Variants in ERBB4 observed in about 807,000 individuals in gnomAD.
The protein encoded by ERBB4 is erb-b2 receptor tyrosine kinase 4, also known as receptor tyrosine-protein kinase erbB-4.
ERBB4 carries 42 observed loss-of-function variants against 158.0 expected under a neutral mutation model. The ratio of observed to expected loss-of-function variants is 0.27; its 90% CI spans 0.21 to 0.34. The LOEUF is 0.34. ERBB4 is among the 10% of genes least tolerant of loss of function. The pLI is 1.00. For synonymous variants in ERBB4, 583 were observed against 558.7 expected (o/e 1.04, Z -0.61); for missense variants, 1,333 against 1,624.1 (o/e 0.82, Z 3.08).
chr2:212,509,012 C>A (rs1691353795), intron 1 of ERBB4, among the ~76,000 whole-genome samples: 1 of 151,988 alleles, frequency 6.6e-6, no homozygotes, highest in African/African-American at 2.4e-5. Flanking sequence ...AAGACTTATA[C>A]CATTTCTTCT....
At chr2:212,400,061 T>C (rs1405417260) in intron 1 of ERBB4, among the ~76,000 whole-genome samples, 3 of 151,974 alleles carry the variant, frequency 2.0e-5, no homozygotes, top group Non-Finnish European at 4.4e-5. Flanking sequence ...TGAGAAAACC[T>C]GGAAAAAGCG....
intron 4 of ERBB4, among the ~76,000 whole-genome samples, chr2:211,773,374 A>G: frequency 6.6e-6 from 1 of 151,564 alleles, no homozygotes; most frequent in East Asian, 2.0e-4. Context: ...CTTTTTATGT[A>G]CTTATTACAT....
At chr2:211,865,430 T>A (rs1421520723) in intron 3 of ERBB4, among the ~76,000 whole-genome samples, 1 of 152,192 alleles carries the variant, frequency 6.6e-6, no homozygotes, top group Non-Finnish European at 1.5e-5. Flanking sequence ...AAAATAGTCA[T>A]GTGATATTCT....
intron 5 of ERBB4, among the ~76,000 whole-genome samples, chr2:211,743,997 T>A (rs2074880607): frequency 6.6e-6 from 1 of 152,190 alleles, no homozygotes; most frequent in Admixed American, 6.5e-5. Flanking sequence ...ATCAGACTCA[T>A]GAGTAACACA....
At chr2:212,264,301 C>T (rs532400274) in intron 1 of ERBB4, among the ~76,000 whole-genome samples, 6 of 152,216 alleles carry the variant, frequency 3.9e-5, no homozygotes, top group African/African-American at 1.4e-4. Context: ...TCATATTTAA[C>T]CGTGCTGGTG....
At chr2:211,863,943 C>T (rs1274773310) in intron 3 of ERBB4, among the ~76,000 whole-genome samples, 1 of 152,148 alleles carries the variant, frequency 6.6e-6, no homozygotes, top group Non-Finnish European at 1.5e-5. Context: ...CCCTCTGCTT[C>T]ATAGAGAGGG....
chr2:212,446,965 GA>G (rs1268272527), intron 1 of ERBB4, among the ~76,000 whole-genome samples: 2 of 146,934 alleles, frequency 1.4e-5, no homozygotes, highest in Admixed American at 6.8e-5. Flanking sequence ...TCAATGGAAA[GA>G]AAAAAATACT....
At chr2:211,860,236 C>A (rs2077977490) in intron 3 of ERBB4, among the ~76,000 whole-genome samples, 1 of 152,112 alleles carries the variant, frequency 6.6e-6, no homozygotes, top group Non-Finnish European at 1.5e-5. Context: ...ATTTGCCTTT[C>A]ACTCTTTGTA....
chr2:212,182,529 G>A (rs1450238888), intron 1 of ERBB4, among the ~76,000 whole-genome samples: 1 of 151,778 alleles, frequency 6.6e-6, no homozygotes, highest in Non-Finnish European at 1.5e-5. Context: ...ATTCATCACT[G>A]TCAGGTTTGT....
chr2:211,654,294 T>C (rs1197321670), intron 16 of ERBB4, among the ~76,000 whole-genome samples: 1 of 152,140 alleles, frequency 6.6e-6, no homozygotes, highest in Non-Finnish European at 1.5e-5. Context: ...AAACATCCCC[T>C]CACAAGTCAA....
intron 3 of ERBB4, among the ~76,000 whole-genome samples, chr2:211,867,827 T>C (rs1029979735): frequency 1.3e-5 from 2 of 152,242 alleles, no homozygotes; most frequent in Admixed American, 6.5e-5. Flanking sequence ...ATCTTCATAC[T>C]AGAATCATGT....
At chr2:212,177,696 A>G (rs1559664938) in intron 1 of ERBB4, among the ~76,000 whole-genome samples, 1 of 151,946 alleles carries the variant, frequency 6.6e-6, no homozygotes, top group Non-Finnish European at 1.5e-5. Flanking sequence ...TGCCGGCACT[A>G]TGCTGGATGT....
intron 2 of ERBB4, among the ~76,000 whole-genome samples, chr2:212,053,281 G>A (rs2077453985): frequency 6.6e-6 from 1 of 152,106 alleles, no homozygotes; most frequent in Non-Finnish European, 1.5e-5. Flanking sequence ...AGTCTACATA[G>A]TTTTCCAAAT....
At chr2:211,713,384 T>G in intron 8 of ERBB4, 151 bp downstream of exon 8, 11 of 659,534 alleles carry the variant, frequency 1.7e-5, no homozygotes, top group Non-Finnish European at 2.5e-5. Context: ...AAAGTTCATA[T>G]TTTGAGTAAC....
At chr2:212,332,706 C>T (rs2106298356) in intron 1 of ERBB4, among the ~76,000 whole-genome samples, 1 of 152,120 alleles carries the variant, frequency 6.6e-6, no homozygotes, top group Non-Finnish European at 1.5e-5. Flanking sequence ...ACTCAATCAG[C>T]CTCTTCAGTT....
intron 1 of ERBB4, among the ~76,000 whole-genome samples, chr2:212,125,359 A>AT (rs2079891100): frequency 1.3e-5 from 2 of 152,148 alleles, no homozygotes; most frequent in African/African-American, 2.4e-5. Context: ...AGCTGAGTAA[A>AT]TTTTTTACTA....
intron 1 of ERBB4, among the ~76,000 whole-genome samples, chr2:212,481,116 TTA>T (rs1689673196): frequency 6.6e-6 from 1 of 152,094 alleles, no homozygotes; most frequent in African/African-American, 2.4e-5. Flanking sequence ...AGGTATTGTA[TTA>T]TATATCTCTT....
intron 2 of ERBB4, among the ~76,000 whole-genome samples, chr2:212,074,729 A>G (rs1188264709): frequency 6.6e-6 from 1 of 151,912 alleles, no homozygotes; most frequent in African/African-American, 2.4e-5. Context: ...TTCTAAGGAC[A>G]TATTTTCTTA....
chr2:211,924,284 T>A (rs1048817847), intron 3 of ERBB4, among the ~76,000 whole-genome samples: 2 of 152,120 alleles, frequency 1.3e-5, no homozygotes, highest in Non-Finnish European at 2.9e-5. Context: ...ACATGGAATT[T>A]CAAGAATTTT....
Sources: allele counts gnomAD v4.1 joint callset (sites outside exome capture counted in the v4.1 genomes callset), GRCh38; gene constraint gnomAD v4.1.1; transcripts MANE v1.5; gene names NCBI Gene and HGNC (gene_info 2026-07-23, HGNC 2026-07-21).